The following CRY2 variants were observed in gnomAD, a reference collection of about 807,000 sequenced individuals.
CRY2 encodes the protein cryptochrome circadian regulator 2.
Under a neutral mutation model 69.5 loss-of-function variants are expected in CRY2, and 31 were observed. The ratio of observed to expected loss-of-function variants is 0.45; its 90% confidence interval spans 0.34 to 0.60. CRY2 has a LOEUF of 0.60. Among genes scored for constraint, CRY2 ranks in the 20% least tolerant of loss-of-function variants. The pLI, the probability that CRY2 is intolerant of heterozygous loss-of-function variation, is 0.02. For synonymous variants in CRY2, 303 were observed against 312.2 expected (o/e 0.97, Z 0.31); for missense variants, 606 against 797.8 (o/e 0.76, Z 2.90).
intron 1 of CRY2, among the ~76,000 whole-genome samples, chr11:45,850,479 A>T (rs1015876370): frequency 6.6e-6 from 1 of 152,126 alleles, no homozygotes; most frequent in African/African-American, 2.4e-5. Context: ...AAACAGATTG[A>T]ATATAATAAC....
chr11:45,862,262 A>G, intron 5 of CRY2, 114 bp downstream of exon 5: 1 of 940,020 alleles, frequency 1.1e-6, no homozygotes, highest in Non-Finnish European at 1.6e-6. Flanking sequence ...TGGAAAATGA[A>G]AAATCCTCCT....
At chr11:45,870,005 C>A in intron 7 of CRY2, 48 bp from the exon 8 acceptor site, 1 of 1,545,212 alleles carries the variant, frequency 6.5e-7, no homozygotes, top group Non-Finnish European at 8.7e-7. Flanking sequence ...TGGGAAAAAA[C>A]ATGGCTGCAT....
intron 5 of CRY2, among the ~76,000 whole-genome samples, chr11:45,863,299 G>T (rs2086302964): frequency 6.6e-6 from 1 of 152,178 alleles, no homozygotes; most frequent in Non-Finnish European, 1.5e-5. Flanking sequence ...GTAGAGTAAG[G>T]CTTAAACCTG....
chr11:45,869,019 G>A (rs572449693), intron 6 of CRY2, among the ~76,000 whole-genome samples: 2 of 152,310 alleles, frequency 1.3e-5, no homozygotes, highest in Admixed American at 1.3e-4. Flanking sequence ...GAGTAATCTT[G>A]TGACTTTAGG....
chr11:45,866,022 A>C (rs2086328220), intron 5 of CRY2, among the ~76,000 whole-genome samples: 1 of 152,216 alleles, frequency 6.6e-6, no homozygotes, highest in African/African-American at 2.4e-5. Context: ...GAATGGAAAG[A>C]AAAGGACAGA....
intron 1 of CRY2, among the ~76,000 whole-genome samples, chr11:45,854,773 C>T (rs902105690): frequency 2.0e-5 from 3 of 152,190 alleles, no homozygotes; most frequent in African/African-American, 7.2e-5. Flanking sequence ...GAATCCCCAG[C>T]TTTGTCACTT....
chr11:45,868,777 G>A (rs1205595818), intron 6 of CRY2, among the ~76,000 whole-genome samples: 1 of 151,982 alleles, frequency 6.6e-6, no homozygotes, highest in Non-Finnish European at 1.5e-5. Flanking sequence ...GGGACTATAG[G>A]TGCATGCCAC....
At chr11:45,872,591 T>TAAC (rs1294791415) in intron 11 of CRY2, among the ~76,000 whole-genome samples, 2 of 151,734 alleles carry the variant, frequency 1.3e-5, no homozygotes, top group Admixed American at 1.3e-4. Context: ...AAAAACATAA[T>TAAC]AATAATAATA....
rs2086262762 is a variant in CRY2 at position 45,858,750 on chromosome 11, T to G, written c.344T>G (p.Leu115Trp). Residue 115 changes from leucine to tryptophan, a missense_variant, in exon 3 of 12, where the codon TTG becomes TGG. Leu to Trp is a moderately conservative substitution (Grantham distance 61). Around this residue, in one of 5 missense-constraint regions of CRY2, gnomAD observed 382 missense variants for 508.9 expected, o/e 0.75. Transcript: ENST00000616080. ...RLFKEWGVTR[L>W]TFEYDSEPFG... ...CCACAGGAATGGGGAGTGACCCGCT[T>G]GACCTTTGAATATGACTCTGAACCC... is the stretch of plus-strand genomic sequence containing the variant. 6.2e-7 allele frequency: 1 copy of G among 1,613,974 alleles called. No individual in the cohort carries two copies. The highest frequency in any genetic ancestry group is 1.3e-5 in the African/African-American group (1 of 74,918).
At chr11:45,861,153 A>G in intron 4 of CRY2, 121 bp downstream of exon 4, 1 of 1,123,516 alleles carries the variant, frequency 8.9e-7, no homozygotes, top group African/African-American at 1.6e-5. Context: ...CAAAAATGGA[A>G]ATGGCAGTCA....
At position 45,861,036 on chromosome 11, in the gene CRY2, C is replaced by G. The variant is rs370942873; in HGVS notation, c.652+4C>G. On this transcript the variant is annotated splice_donor_region_variant and intron_variant, in intron 4 of 11. Transcript: ENST00000616080. ...GTGCCCTCCCTGGAGGAGCTGGGTG[C>G]GTACTTCCTGCCCAGAGCCACTTGT... 5.6e-6 allele frequency: 9 copies of G among 1,609,308 alleles called. No homozygotes were observed. The highest frequency in any genetic ancestry group is 6.8e-6 in the Non-Finnish European group (8 of 1,178,154).
At chr11:45,870,006 A>T in intron 7 of CRY2, 47 bp from the exon 8 acceptor site, 8 of 1,545,884 alleles carry the variant, frequency 5.2e-6, no homozygotes, top group Non-Finnish European at 7.0e-6. Context: ...GGGAAAAAAC[A>T]TGGCTGCATG....
chr11:45,852,143 A>G (rs780080653), intron 1 of CRY2, among the ~76,000 whole-genome samples: 1 of 152,222 alleles, frequency 6.6e-6, no homozygotes, highest in Non-Finnish European at 1.5e-5. Flanking sequence ...GAGCACTTAC[A>G]TAATAATGTA....
In CRY2 at chr11:45,862,115, T is replaced by C. The variant is rs753613437; in HGVS notation, c.708T>C (p.Ala236=). 2 of 1,613,954 alleles carry C rather than the reference T, an allele frequency of 1.2e-6. No homozygotes were observed. Among genetic ancestry groups the C allele is most frequent in the Non-Finnish European group, 1.7e-6 (2 of 1,179,954 alleles). Residue 236 remains alanine, a synonymous_variant, in exon 5 of 12, where the codon GCT becomes GCC. Coordinates refer to ENST00000616080, the MANE Select transcript of CRY2 (RefSeq NM_021117.5). ...TCTGGCAGGGAGGAGAGACAGAAGC[T>C]CTGGCCCGCCTGGATAAGCACTTGG... ...PAVWQGGETE[A]LARLDKHLER...
Position 45,876,773 on chromosome 11 carries a change from T to G in CRY2, c.*3-4141T>G, listed in dbSNP as rs1198921249. 4.6e-5 allele frequency among the ~76,000 whole-genome samples: 7 copies of G among 152,344 alleles called. No individual in the cohort carries two copies. In the East Asian group the frequency reaches 1.2e-3, roughly 25 times the overall value. On this transcript the variant is annotated intron_variant, in intron 11 of 11. Transcript: ENST00000616080. ...GATGTCTTTTTGACACTAGTTTAGTTGTATACTCTGTCCTTGTAAGGTGAA... is the reference window on the plus strand; with the variant it reads ...GATGTCTTTTTGACACTAGTTTAGTGGTATACTCTGTCCTTGTAAGGTGAA...
chr11:45,876,560 G>C (rs999698748), intron 11 of CRY2, among the ~76,000 whole-genome samples: 4 of 152,160 alleles, frequency 2.6e-5, no homozygotes, highest in African/African-American at 9.7e-5. Flanking sequence ...TTGCCATGGG[G>C]AGAACAGCTC....
rs113851044 is a variant in CRY2, at chr11:45,872,079, C to T, written c.1643-13C>T. The T allele has an allele frequency of 9.4e-3, 15,180 of 1,613,514 alleles. 90 individuals are homozygous for T. The highest frequency in any genetic ancestry group is 0.011 in the Non-Finnish European group (12,919 of 1,179,636). ...GCACAGTCTGTGTGACCCTTTGACA[C>T]GCTTCCCTACAGGCCCAAGACCACT... On this transcript the variant is annotated splice_polypyrimidine_tract_variant and intron_variant, in intron 10 of 11. Coordinates refer to ENST00000616080, the MANE Select transcript of CRY2 (RefSeq NM_021117.5).
chr11:45,869,981 G>T, intron 7 of CRY2, 72 bp from the exon 8 acceptor site: 1 of 1,532,578 alleles, frequency 6.5e-7, no homozygotes, highest in Non-Finnish European at 8.8e-7. Flanking sequence ...GCTCCTGGGG[G>T]CACTGTGGTG....
At chr11:45,865,079 T>C (rs1035103457) in intron 5 of CRY2, among the ~76,000 whole-genome samples, 7 of 151,136 alleles carry the variant, frequency 4.6e-5, no homozygotes, top group African/African-American at 1.7e-4. Context: ...GTTTTTTAAA[T>C]GGCCAAGACT....
Sources: gnomAD v4.1 joint callset for allele counts (sites outside exome capture counted in the v4.1 genomes callset) on GRCh38, gnomAD v4.1.1 for gene constraint, gnomAD v4.1.1 regional missense constraint, MANE v1.5 for transcripts, NCBI Gene and HGNC (gene_info 2026-07-23, HGNC 2026-07-21) for gene names.